The following VMP1 variants were observed in gnomAD, a reference collection of about 807,000 sequenced individuals.
VMP1 encodes vacuole membrane protein 1.
A neutral mutation model predicts 56.0 loss-of-function variants in VMP1; 11 were observed. That is an observed-to-expected ratio of 0.20 (90% CI 0.12 to 0.32). VMP1 has a LOEUF of 0.32. VMP1 is among the 10% of genes least tolerant of loss of function. The probability of loss-of-function intolerance (pLI) is 1.00; values close to 1 mark genes in which losing one functional copy is unlikely to be tolerated. For missense variants in VMP1, 296 were observed against 490.3 expected, an observed-to-expected ratio of 0.60 and a Z score of 3.74; for synonymous variants, 149 against 165.0, an observed-to-expected ratio of 0.90 and a Z score of 0.74.
chr17:59,728,942 C>T (rs2034713339), intron 1 of VMP1, among the ~76,000 whole-genome samples: 1 of 152,098 alleles, frequency 6.6e-6, no homozygotes, highest in South Asian at 2.1e-4. Context: ...GCAGCTACTC[C>T]CCATTTTTCT....
At chr17:59,745,176 A>G (rs2035378112) in intron 5 of VMP1, among the ~76,000 whole-genome samples, 1 of 152,182 alleles carries the variant, frequency 6.6e-6, no homozygotes, top group African/African-American at 2.4e-5. Context: ...AGCATAAGTG[A>G]TAGATGTTGC....
intron 7 of VMP1, among the ~76,000 whole-genome samples, chr17:59,798,619 G>C (rs917213239): frequency 6.6e-6 from 1 of 152,204 alleles, no homozygotes; most frequent in Non-Finnish European, 1.5e-5. Flanking sequence ...GGGCACGGTG[G>C]CTCACGCCTG....
chr17:59,840,772 G>A lies in VMP1; in HGVS notation c.*861G>A, dbSNP rs1407611456. On this transcript the variant is annotated 3_prime_UTR_variant, in exon 12 of 12. Transcript: ENST00000262291. ...ACTGGGCTGCTGCATACTGCTAAATGGCACCTCTGGGATTGGCCTACCTGG... is the reference window on the plus strand; with the variant it reads ...ACTGGGCTGCTGCATACTGCTAAATAGCACCTCTGGGATTGGCCTACCTGG... The A allele has an allele frequency of 6.6e-6, 1 of 152,386 alleles. No homozygotes were observed. The highest frequency in any genetic ancestry group is 2.4e-5 in the African/African-American group (1 of 41,424). 9.4% of individuals were successfully genotyped at this position (152,386 alleles called of 1,614,324 possible).
At chr17:59,822,326 CTTTTT>C (rs774358954) in intron 10 of VMP1, among the ~76,000 whole-genome samples, 20 of 125,338 alleles carry the variant, frequency 1.6e-4, no homozygotes, top group Middle Eastern at 4.3e-3. Flanking sequence ...GTAGGAAATA[CTTTTT>C]TTTTTTTTTT....
intron 5 of VMP1, among the ~76,000 whole-genome samples, chr17:59,759,791 C>T (rs1717457005): frequency 6.6e-6 from 1 of 151,904 alleles, no homozygotes; most frequent in South Asian, 2.1e-4. Context: ...GGGTTTAAGT[C>T]TACCCTCAAA....
At chr17:59,803,987 G>A (rs988134360) in intron 7 of VMP1, among the ~76,000 whole-genome samples, 1 of 151,634 alleles carries the variant, frequency 6.6e-6, no homozygotes, top group Non-Finnish European at 1.5e-5. Context: ...GTGGTGTTAG[G>A]TGTGTGAGTA....
chr17:59,840,938 T>C lies in VMP1; in HGVS notation c.*1027T>C, dbSNP rs2039137259. On this transcript the variant is annotated 3_prime_UTR_variant, in exon 12 of 12. Transcript: ENST00000262291. ...AATGTTTTCTAGCATGTACTCTGGT[T>C]TCAACAGACACAAATTTATATGTTA... 5.9e-6 allele frequency: 1 copy of C among 169,244 alleles called. No individual in the cohort carries two copies. The highest frequency in any genetic ancestry group is 2.4e-5 in the African/African-American group (1 of 41,850). 10.5% of individuals were successfully genotyped at this position (169,244 alleles called of 1,614,324 possible).
chr17:59,805,513 G>C (rs1469987363), intron 7 of VMP1, among the ~76,000 whole-genome samples: 1 of 151,762 alleles, frequency 6.6e-6, no homozygotes, highest in African/African-American at 2.4e-5. Flanking sequence ...TCCTATTTAA[G>C]TTTGTATGTG....
intron 5 of VMP1, among the ~76,000 whole-genome samples, chr17:59,742,085 A>G (rs2035247847): frequency 6.6e-6 from 1 of 152,228 alleles, no homozygotes; most frequent in South Asian, 2.1e-4. Context: ...TTAAAGGTAT[A>G]CTGTAATTAT....
rs543321998 is a variant in VMP1 at position 59,731,480 on chromosome 17, C to A, written c.34C>A (p.Arg12Ser). 6.3e-7 allele frequency: 1 copy of A among 1,591,492 alleles called. No individual in the cohort carries two copies. The highest frequency in any genetic ancestry group is 8.5e-7 in the Non-Finnish European group (1 of 1,172,260). The change falls in exon 2 of 12, where the codon CGT (arginine) becomes AGT (serine). Residue 12 changes from arginine (R) to serine (S), a missense_variant. By Grantham distance (110) the Arg-to-Ser change is moderately radical. This residue lies in a region of VMP1 where 69 missense variants were observed against 76.6 expected (regional missense o/e 0.90). Coordinates refer to ENST00000262291, the MANE Select transcript of VMP1 (RefSeq NM_030938.5). ...AENGKNCDQR[R>S]VAMNKEHHNG... ...GAATGGAAAAAATTGTGACCAGAGA[C>A]GTGTAGCAATGAACAAGGAACATCA...
chr17:59,796,541 G>A (rs2037444172), intron 7 of VMP1, among the ~76,000 whole-genome samples: 2 of 151,992 alleles, frequency 1.3e-5, no homozygotes, highest in African/African-American at 2.4e-5. Flanking sequence ...TTCTGAAAAA[G>A]GTTTCAATTT....
intron 9 of VMP1, among the ~76,000 whole-genome samples, 181 bp downstream of exon 9, chr17:59,811,967 CTTCT>C (rs1441436201): frequency 1.3e-5 from 2 of 151,944 alleles, no homozygotes; most frequent in African/African-American, 4.8e-5. Flanking sequence ...TCTTTCTTTT[CTTCT>C]TTCTTCCTCC....
intron 2 of VMP1, among the ~76,000 whole-genome samples, chr17:59,734,827 T>C (rs1480869969): frequency 1.3e-5 from 2 of 152,028 alleles, no homozygotes; most frequent in African/African-American, 4.8e-5. Flanking sequence ...TAGTTGACCA[T>C]GTGTTACTGA....
At chr17:59,728,650 G>T (rs72840511) in intron 1 of VMP1, among the ~76,000 whole-genome samples, 28,817 of 151,696 alleles carry the variant, frequency 0.19, 3,360 homozygotes, top group East Asian at 0.44. Context: ...ACCAGCCTGG[G>T]CAACATAACT....
At chr17:59,764,031 T>G (rs2036148644) in intron 5 of VMP1, among the ~76,000 whole-genome samples, 1 of 152,214 alleles carries the variant, frequency 6.6e-6, no homozygotes, top group Admixed American at 6.5e-5. Flanking sequence ...CTTGTGCTTT[T>G]AGGAACCATT....
At chr17:59,756,176 C>T (rs547834777) in intron 5 of VMP1, among the ~76,000 whole-genome samples, 5 of 152,068 alleles carry the variant, frequency 3.3e-5, no homozygotes, top group African/African-American at 1.2e-4. Context: ...TGCTGTAGAC[C>T]ATAACCTTGT....
intron 9 of VMP1, among the ~76,000 whole-genome samples, chr17:59,815,084 CTTCT>C (rs1423290307): frequency 2.0e-5 from 3 of 152,042 alleles, no homozygotes. Flanking sequence ...ATTAGACAAC[CTTCT>C]TTAATAAATA....
intron 7 of VMP1, among the ~76,000 whole-genome samples, chr17:59,789,016 C>T (rs986284680): frequency 3.3e-5 from 5 of 149,952 alleles, no homozygotes; most frequent in African/African-American, 9.8e-5. Context: ...TTGGGCCGGG[C>T]GCCATGGCTC....
chr17:59,726,945 G>A (rs186281839), intron 1 of VMP1, among the ~76,000 whole-genome samples: 4 of 152,186 alleles, frequency 2.6e-5, no homozygotes, highest in East Asian at 3.9e-4. Flanking sequence ...TCTACTTCAC[G>A]ATCTTCATAA....
Sources: gnomAD v4.1 joint callset for allele counts (sites outside exome capture counted in the v4.1 genomes callset) on GRCh38, gnomAD v4.1.1 for gene constraint, gnomAD v4.1.1 regional missense constraint, MANE v1.5 for transcripts, NCBI Gene and HGNC (gene_info 2026-07-23, HGNC 2026-07-21) for gene names.